SLC5A12: variants seen among roughly 807,000 people sequenced by gnomAD.
SLC5A12 encodes the protein sodium-coupled monocarboxylate transporter 2.
A neutral mutation model predicts 72.7 loss-of-function variants in SLC5A12; 46 were observed. The observed-to-expected ratio is 0.63, with a 90% CI of 0.50 to 0.81. The LOEUF is 0.81. Ranked by LOEUF, SLC5A12 falls within the 30% of genes least tolerant of loss-of-function variation. The probability of loss-of-function intolerance (pLI) is 0.00; values close to 1 mark genes in which losing one functional copy is unlikely to be tolerated. For synonymous variants in SLC5A12, 275 were observed against 264.4 expected (o/e 1.04, Z -0.39); for missense variants, 683 against 740.7 (o/e 0.92, Z 0.90).
At position 26,703,656 on chromosome 11, in the gene SLC5A12, A is replaced by C. The variant is rs1223797997; in HGVS notation, c.696T>G (p.Pro232=). Residue 232 remains proline, a synonymous_variant, in exon 6 of 15, where the codon CCT becomes CCG. Coordinates refer to ENST00000396005, the MANE Select transcript of SLC5A12 (RefSeq NM_178498.4). ...TAGTCCAAAAAGTGTGTCGCCTGAG[A>C]GGATCTACATCAAAGCTATGAGACA... ...RLHIFDFDVD[P]LRRHTFWTIT... The C allele has an allele frequency of 1.2e-6, 2 of 1,613,762 alleles. No homozygotes were observed. The highest frequency in any genetic ancestry group is 2.7e-5 in the African/African-American group (2 of 74,886).
intron 11 of SLC5A12, among the ~76,000 whole-genome samples, chr11:26,683,261 C>T (rs949288415): frequency 1.3e-5 from 2 of 152,142 alleles, no homozygotes; most frequent in Non-Finnish European, 2.9e-5. Flanking sequence ...ATACTATTAG[C>T]TTGTCAGAGC....
At chr11:26,701,490 G>T (rs932122682) in intron 6 of SLC5A12, among the ~76,000 whole-genome samples, 62 of 152,092 alleles carry the variant, frequency 4.1e-4, no homozygotes, top group African/African-American at 1.4e-3. Context: ...CTAAATACTA[G>T]TACAACAAAT....
intron 6 of SLC5A12, 52 bp from the exon 7 acceptor site, chr11:26,698,587 T>G (rs1196020772): frequency 6.3e-7 from 1 of 1,583,296 alleles, no homozygotes; most frequent in Non-Finnish European, 8.6e-7. Context: ...TATCATACTG[T>G]GGTGAGGTCA....
chr11:26,703,542 C>T lies in SLC5A12; in HGVS notation c.810G>A (p.Lys270=), dbSNP rs1249211301. The T allele has an allele frequency of 6.2e-7, 1 of 1,613,444 alleles. No homozygotes were observed. Among genetic ancestry groups the T allele is most frequent in the Non-Finnish European group, 8.5e-7 (1 of 1,179,848 alleles). Residue 270 remains lysine, a synonymous_variant, in exon 6 of 15, where the codon AAG becomes AAA. Transcript: ENST00000396005. ...GACTGAGAACTTACAGCTTAGCATG[C>T]TTTTCTGTTTTGCAAGAGATGCATC... ...IQRCISCKTE[K]HAKLALYFNL... is the part of the protein sequence containing the mutation.
chr11:26,721,580 T>C lies in SLC5A12; in HGVS notation c.135A>G (p.Gly45=). Residue 45 remains glycine (G), a synonymous_variant, in exon 1 of 15, where the codon GGA becomes GGG. Transcript: ENST00000396005. The part of the protein sequence containing the change: ...KATSREFLVG[G]RQMSFGPVGL... Reference sequence around the variant, plus strand: ...CGACAGGGCCAAAGCTCATTTGCCTTCCCCCAACCAGGAACTCTCGGGAAG... The same window carrying C: ...CGACAGGGCCAAAGCTCATTTGCCTCCCCCCAACCAGGAACTCTCGGGAAG... 2 of 1,613,946 alleles carry C rather than the reference T, an allele frequency of 1.2e-6. No homozygotes were observed. The highest frequency in any genetic ancestry group is 1.7e-6 in the Non-Finnish European group (2 of 1,179,990).
chr11:26,695,161 T>C (rs2133177400), intron 8 of SLC5A12, among the ~76,000 whole-genome samples: 1 of 152,176 alleles, frequency 6.6e-6, no homozygotes, highest in East Asian at 1.9e-4. Context: ...ATTAACCTAA[T>C]AGATAAATTA....
chr11:26,671,088 A>C lies in SLC5A12; in HGVS notation c.*14T>G, dbSNP rs914069328. 6.4e-7 allele frequency: 1 copy of C among 1,560,262 alleles called. No homozygotes were observed. Among genetic ancestry groups the C allele is most frequent in the African/African-American group, 1.4e-5 (1 of 73,168 alleles). On this transcript the variant is annotated 3_prime_UTR_variant, in exon 15 of 15. Coordinates refer to ENST00000396005, the MANE Select transcript of SLC5A12 (RefSeq NM_178498.4). ...GTATTGCACGTGTGTGTGTGCATTCATACAGGTATTGCCTTAGAAATGGGT... is the reference window on the plus strand; with the variant it reads ...GTATTGCACGTGTGTGTGTGCATTCCTACAGGTATTGCCTTAGAAATGGGT...
chr11:26,679,617 C>T (rs1854343241), intron 12 of SLC5A12, among the ~76,000 whole-genome samples: 1 of 151,854 alleles, frequency 6.6e-6, no homozygotes, highest in Non-Finnish European at 1.5e-5. Context: ...GAAATGAACA[C>T]TAAAATATAT....
At chr11:26,721,338 G>GA (rs747007978) in intron 1 of SLC5A12, 38 bp downstream of exon 1, 540 of 1,484,018 alleles carry the variant, frequency 3.6e-4, no homozygotes, top group South Asian at 5.1e-4. Flanking sequence ...AAGAGGATGA[G>GA]AAAAAAAAAT....
intron 8 of SLC5A12, 31 bp downstream of exon 8, chr11:26,697,133 A>G (rs999032485): frequency 1.9e-6 from 3 of 1,562,834 alleles, no homozygotes; most frequent in Middle Eastern, 1.7e-4. Context: ...CCTTTCCATC[A>G]TCATCATCAG....
In SLC5A12 at chr11:26,668,018, T is replaced by C. The variant is rs973326897; in HGVS notation, c.*3084A>G. The C allele has an allele frequency of 2.0e-5, 3 of 152,078 alleles. No homozygotes were observed. The highest frequency in any genetic ancestry group is 1.9e-4 in the East Asian group (1 of 5,194). The allele number at this position is 152,078 out of a possible 1,614,324, so 9.4% of individuals were successfully genotyped here. A position where few individuals can be genotyped will look rare whatever the true frequency, so the allele number is the denominator to read the frequency against. On this transcript the variant is annotated 3_prime_UTR_variant, in exon 15 of 15. Transcript: ENST00000396005. ...CTAAGCACTTTATATGATTTACTTA[T>C]ATAAATCTTCATAATAATTCTATTA...
At chr11:26,706,353 G>T (rs1172906995) in intron 4 of SLC5A12, among the ~76,000 whole-genome samples, 3 of 152,020 alleles carry the variant, frequency 2.0e-5, no homozygotes, top group African/African-American at 7.2e-5. Context: ...GTTGCATGAA[G>T]AAATGAATAT....
In SLC5A12 at chr11:26,669,607, G is replaced by C. The variant is rs1219820710; in HGVS notation, c.*1495C>G. 1 of 151,718 alleles carries C rather than the reference G, an allele frequency of 6.6e-6. No individual in the cohort carries two copies. Among genetic ancestry groups the C allele is most frequent in the Non-Finnish European group, 1.5e-5 (1 of 67,910 alleles). The allele number at this position is 151,718 out of a possible 1,614,324, so 9.4% of individuals were successfully genotyped here. A position where few individuals can be genotyped will look rare whatever the true frequency, so the allele number is the denominator to read the frequency against. On this transcript the variant is annotated 3_prime_UTR_variant, in exon 15 of 15. Transcript: ENST00000396005. ...GTGGAGGGAGAGAAGGCAAGGATTG[G>C]GCTCTGTTTTATAAACTCCAGTTTC... is the stretch of plus-strand genomic sequence containing the variant.
In SLC5A12 at chr11:26,721,517, C is replaced by A; in HGVS notation, c.198G>T (p.Thr66=). 1 of 1,614,112 alleles carries A rather than the reference C, an allele frequency of 6.2e-7. No homozygotes were observed. Among genetic ancestry groups the A allele is most frequent in the Non-Finnish European group, 8.5e-7 (1 of 1,180,030 alleles). The change falls in exon 1 of 15, where the codon ACG becomes ACT. Residue 66 remains threonine (T), a synonymous_variant. Coordinates refer to ENST00000396005, the MANE Select transcript of SLC5A12 (RefSeq NM_178498.4). ...SLTASFMSAV[T]VLGTPSEVYR... is the part of the protein sequence containing the mutation. ...AGACTTCAGAAGGGGTCCCCAGGAC[C>A]GTGACAGCTGACATGAAGCTGGCTG...
rs1212202717 is a variant in SLC5A12, at chr11:26,678,708, C to A, written c.1579+4G>T. 1.4e-5 allele frequency: 23 copies of A among 1,608,464 alleles called. No homozygotes were observed. The East Asian group carries it at 4.5e-4, about 31-fold the overall frequency. ...TAGTCCCAAAGGGAGGAATTATAAC[C>A]AACCTGTTATGAGGCTGATGATTAC... On this transcript the variant is annotated splice_donor_region_variant and intron_variant, in intron 13 of 14. Coordinates refer to ENST00000396005, the MANE Select transcript of SLC5A12 (RefSeq NM_178498.4).
chr11:26,689,299 G>GAGGC (rs1033201314), intron 9 of SLC5A12, among the ~76,000 whole-genome samples: 3 of 152,140 alleles, frequency 2.0e-5, no homozygotes, highest in Non-Finnish European at 4.4e-5. Context: ...TCCGCAGGCT[G>GAGGC]AGGCAGGAGA....
At chr11:26,688,194 A>G (rs557630187) in intron 9 of SLC5A12, among the ~76,000 whole-genome samples, 1 of 152,364 alleles carries the variant, frequency 6.6e-6, no homozygotes, top group East Asian at 1.9e-4. Flanking sequence ...TGGAAATTTC[A>G]TAGACATCTG....
intron 9 of SLC5A12, among the ~76,000 whole-genome samples, chr11:26,687,522 A>C (rs1854565692): frequency 6.6e-6 from 1 of 152,238 alleles, no homozygotes; most frequent in African/African-American, 2.4e-5. Context: ...TAAAGTTAGA[A>C]TGTGATTCCT....
intron 2 of SLC5A12, among the ~76,000 whole-genome samples, chr11:26,711,897 G>A (rs1469701260): frequency 6.6e-6 from 1 of 152,080 alleles, no homozygotes; most frequent in African/African-American, 2.4e-5. Context: ...TACCCTGCTG[G>A]AAATAGGTCC....
Sources: gnomAD v4.1 joint callset for allele counts (sites outside exome capture counted in the v4.1 genomes callset) on GRCh38, gnomAD v4.1.1 for gene constraint, MANE v1.5 for transcripts, NCBI Gene and HGNC (gene_info 2026-07-23, HGNC 2026-07-21) for gene names.